NSD1: variants seen among roughly 807,000 people sequenced by gnomAD.
NSD1 encodes the protein nuclear receptor binding SET domain protein 1, also known as histone-lysine N-methyltransferase, H3 lysine-36 specific.
NSD1 carries 26 observed loss-of-function variants against 242.7 expected under a neutral mutation model. The observed-to-expected ratio is 0.11, with a 90% CI of 0.08 to 0.15. The LOEUF is 0.15. NSD1 is among the 10% of genes least tolerant of loss of function. The pLI is 1.00. For synonymous variants in NSD1, 1,106 were observed against 1,178.1 expected, an observed-to-expected ratio of 0.94 and a Z score of 1.25; for missense variants, 2,495 against 3,272.8, an observed-to-expected ratio of 0.76 and a Z score of 5.80.
At chr5:177,133,619 C>T (rs1756018758), upstream of NSD1, 1 of 150,082 alleles carries the variant, frequency 6.7e-6, no homozygotes, top group Non-Finnish European at 1.5e-5. This position sits in a 1 kb window ranked among gnomAD's most constrained non-coding sequence, Gnocchi z 6.2. Flanking sequence ...ACTTCACCCG[C>T]CCTGAACCCC....
At chr5:177,217,986 C>T (rs1763919719) in intron 5 of NSD1, among the ~76,000 whole-genome samples, 1 of 152,040 alleles carries the variant, frequency 6.6e-6, no homozygotes, top group South Asian at 2.1e-4. Flanking sequence ...TGATATGGCT[C>T]ACTGCAGCCT....
At chr5:177,213,837 C>G (rs561455749) in intron 5 of NSD1, among the ~76,000 whole-genome samples, 115 of 152,296 alleles carry the variant, frequency 7.6e-4, no homozygotes, top group African/African-American at 2.6e-3. Context: ...TGGAATCATA[C>G]AATATATGGT....
At chr5:177,158,963 CACACACATATAT>C (rs1758444451) in intron 2 of NSD1, among the ~76,000 whole-genome samples, 2 of 132,682 alleles carry the variant, frequency 1.5e-5, no homozygotes. Flanking sequence ...TATATATATA[CACACACATATAT>C]ACACACATAT....
intron 2 of NSD1, among the ~76,000 whole-genome samples, chr5:177,164,617 T>G (rs1244452977): frequency 6.6e-6 from 1 of 152,150 alleles, no homozygotes; most frequent in Non-Finnish European, 1.5e-5. Context: ...AAAAATAGTT[T>G]TATCTTGGGA....
rs1460187564 is a variant in NSD1 at position 177,211,824 on chromosome 5, A to G, written c.3425A>G (p.Asn1142Ser). The G allele has an allele frequency of 2.5e-6, 4 of 1,614,086 alleles. No homozygotes were observed. The highest frequency in any genetic ancestry group is 1.3e-5 in the African/African-American group (1 of 74,926). Reference protein sequence around the residue: ...GKGPELDSVMNSENDELNGVN... With the variant: ...GKGPELDSVMSSENDELNGVN... ...GGCCCAGAGCTGGACTCTGTAATGA[A>G]CAGTGAGAATGATGAACTCAATGGT... is the stretch of plus-strand genomic sequence containing the variant. Residue 1142 changes from asparagine to serine, a missense_variant, in exon 5 of 23, where the codon AAC becomes AGC. Around this residue, in one of 19 missense-constraint regions of NSD1, gnomAD observed 426 missense variants for 411.4 expected, o/e 1.04. Transcript: ENST00000439151.
Position 177,295,056 on chromosome 5 carries a change from C to T in NSD1, c.7688C>T (p.Ala2563Val). ...TQASGRASAG[A>V]EQTPGPLSQS... ...GCCTCAGGAAGAGCTTCTGCAGGGG[C>T]TGAGCAGACCCCAGGGCCTCTTAGC... The change falls in exon 23 of 23, where the codon GCT (alanine) becomes GTT (valine). Residue 2563 changes from alanine to valine, a missense_variant. Ala to Val is a moderately conservative substitution (Grantham distance 64). This residue lies in a region of NSD1 where 475 missense variants were observed against 563.7 expected (regional missense o/e 0.84). Coordinates refer to ENST00000439151, the MANE Select transcript of NSD1 (RefSeq NM_022455.5). The surrounding 1 kb of genome is among the most constrained non-coding windows in gnomAD (Gnocchi z 4.3). 3 of 1,613,258 alleles carry T rather than the reference C, an allele frequency of 1.9e-6. No individual in the cohort carries two copies. Among genetic ancestry groups the T allele is most frequent in the Non-Finnish European group, 2.5e-6 (3 of 1,179,672 alleles).
intron 2 of NSD1, among the ~76,000 whole-genome samples, chr5:177,138,381 G>A (rs1464881603): frequency 6.6e-6 from 1 of 151,824 alleles, no homozygotes; most frequent in African/African-American, 2.4e-5. Flanking sequence ...TCAGCCTCCC[G>A]AGTAGCTGGG....
At chr5:177,144,128 A>G (rs1204386839) in intron 2 of NSD1, among the ~76,000 whole-genome samples, 1 of 152,194 alleles carries the variant, frequency 6.6e-6, no homozygotes, top group Non-Finnish European at 1.5e-5. Flanking sequence ...CTGGTTCTGA[A>G]GTAGGTGTGC....
intron 13 of NSD1, among the ~76,000 whole-genome samples, chr5:177,257,758 G>C (rs1311448702): frequency 6.6e-6 from 1 of 151,988 alleles, no homozygotes; most frequent in Non-Finnish European, 1.5e-5. Context: ...GTGTTCTGCT[G>C]CATGTCCTCT....
At chr5:177,239,522 TA>T (rs1363342919) in intron 7 of NSD1, among the ~76,000 whole-genome samples, 10 of 152,348 alleles carry the variant, frequency 6.6e-5, no homozygotes, top group African/African-American at 2.4e-4. Context: ...TTTTGTGAGT[TA>T]AAGTCACCAC....
At chr5:177,144,667 A>G (rs1757088791) in intron 2 of NSD1, among the ~76,000 whole-genome samples, 1 of 152,154 alleles carries the variant, frequency 6.6e-6, no homozygotes, top group South Asian at 2.1e-4. Flanking sequence ...TTGAAAGGAG[A>G]TCCAGTCTCT....
intron 3 of NSD1, 52 bp from the exon 4 acceptor site, chr5:177,204,068 T>G: frequency 1.1e-5 from 17 of 1,532,396 alleles, no homozygotes; most frequent in South Asian, 1.1e-5. Context: ...CTCTTAATGA[T>G]GAGAAGTAAT....
chr5:177,272,782 C>T (rs1450863535), intron 16 of NSD1, among the ~76,000 whole-genome samples: 3 of 152,024 alleles, frequency 2.0e-5, no homozygotes, highest in African/African-American at 7.2e-5. Context: ...ACTTGGGAGG[C>T]TGAGGTGGGA....
At chr5:177,193,930 A>C (rs1315521413) in intron 3 of NSD1, among the ~76,000 whole-genome samples, 1 of 151,784 alleles carries the variant, frequency 6.6e-6, no homozygotes, top group Admixed American at 6.6e-5. Flanking sequence ...GGTGCGTGCC[A>C]CCATGCCCAG....
At chr5:177,259,955 T>A (rs777320059) in intron 13 of NSD1, 34 bp from the exon 14 acceptor site, 1 of 1,613,414 alleles carries the variant, frequency 6.2e-7, no homozygotes, top group Non-Finnish European at 8.5e-7. Flanking sequence ...TATTTTTGTT[T>A]TTCTTTTGCT....
In NSD1 at chr5:177,212,068, T is replaced by G; in HGVS notation, c.3669T>G (p.His1223Gln). Reference protein sequence around the residue: ...ILEEPLTEQNHADCLDSAGPR... With the variant: ...ILEEPLTEQNQADCLDSAGPR... ...AGGAACCACTGACAGAGCAAAATCA[T>G]GCTGACTGCTTAGATTCAGCTGGGC... The change falls in exon 5 of 23, where the codon CAT becomes CAG. Residue 1223 changes from histidine to glutamine, a missense_variant. Physicochemically the swap from His to Gln is conservative, Grantham distance 24. Transcript: ENST00000439151. The G allele has an allele frequency of 6.2e-7, 1 of 1,614,194 alleles. No homozygotes were observed.
intron 2 of NSD1, among the ~76,000 whole-genome samples, chr5:177,188,664 A>C (rs891908051): frequency 1.3e-5 from 2 of 152,176 alleles, no homozygotes; most frequent in Non-Finnish European, 2.9e-5. Flanking sequence ...CATATTTCAT[A>C]GAGTTGTAAT....
chr5:177,244,388 C>A, intron 9 of NSD1, 118 bp downstream of exon 9: 1 of 742,414 alleles, frequency 1.3e-6, no homozygotes, highest in Non-Finnish European at 2.4e-6. Context: ...AGTTTTAAAA[C>A]TGGTTTGCCC....
intron 16 of NSD1, 80 bp from the exon 17 acceptor site, chr5:177,273,592 G>A (rs1758118289): frequency 8.6e-7 from 1 of 1,158,554 alleles, no homozygotes; most frequent in Non-Finnish European, 1.3e-6. Flanking sequence ...AACTTAAAGG[G>A]GAAAAAGTAA....
Sources: gnomAD v4.1 joint callset for allele counts (sites outside exome capture counted in the v4.1 genomes callset) on GRCh38, gnomAD v4.1.1 for gene constraint, gnomAD v4.1.1 regional missense constraint, Gnocchi (gnomAD v3.1) non-coding constraint, MANE v1.5 for transcripts, NCBI Gene and HGNC (gene_info 2026-07-23, HGNC 2026-07-21) for gene names.